The following TXNRD1 variants were observed in gnomAD, a reference collection of about 807,000 sequenced individuals.
The protein encoded by TXNRD1 is thioredoxin reductase 1.
Under a neutral mutation model 80.3 loss-of-function variants are expected in TXNRD1, and 57 were observed. The ratio of observed to expected loss-of-function variants is 0.71; its 90% CI spans 0.57 to 0.89. TXNRD1 has a LOEUF of 0.89. Ranked by LOEUF, TXNRD1 falls within the 40% of genes least tolerant of loss-of-function variation. TXNRD1 has a pLI of 0.00. For missense variants in TXNRD1, 730 were observed against 803.0 expected (o/e 0.91, Z 1.10); for synonymous variants, 291 against 285.2 (o/e 1.02, Z -0.20).
chr12:104,260,404 T>C (rs1413428177), intron 3 of TXNRD1, among the ~76,000 whole-genome samples: 5 of 151,982 alleles, frequency 3.3e-5, no homozygotes, highest in Non-Finnish European at 4.4e-5. Flanking sequence ...GAGGCAGAGG[T>C]TGCGGTGAGC....
chr12:104,323,414 C>CA (rs1204749179), intron 10 of TXNRD1, among the ~76,000 whole-genome samples: 2 of 146,164 alleles, frequency 1.4e-5, no homozygotes, highest in East Asian at 2.1e-4. Flanking sequence ...GCTGACCCCC[C>CA]ACCTCCCTCC....
intron 3 of TXNRD1, among the ~76,000 whole-genome samples, chr12:104,259,562 G>T (rs1279181212): frequency 6.8e-6 from 1 of 147,168 alleles, no homozygotes; most frequent in Non-Finnish European, 1.5e-5. Context: ...TGCGATCTCA[G>T]CTCACCGCAA....
Position 104,348,489 on chromosome 12 carries a change from G to A in TXNRD1, c.*68G>A. ...TCGTTTCCGTGCCCAAATCCAAGGC[G>A]AAGTTTTCTAGAGGGTTCTTGGGCT... On this transcript the variant is annotated 3_prime_UTR_variant, in exon 17 of 17. Transcript: ENST00000525566. 2.5e-5 allele frequency: 38 copies of A among 1,532,972 alleles called. No homozygotes were observed. The highest frequency in any genetic ancestry group is 3.1e-5 in the Non-Finnish European group (34 of 1,108,424). 95.0% of individuals were successfully genotyped at this position (1,532,972 alleles called of 1,614,324 possible). A position where few individuals can be genotyped will look rare whatever the true frequency, so the allele number is the denominator to read the frequency against.
intron 3 of TXNRD1, chr12:104,288,666 C>T (rs938737530): frequency 6.3e-6 from 7 of 1,111,280 alleles, no homozygotes; most frequent in South Asian, 3.4e-5. Flanking sequence ...ATGATTTAAC[C>T]CTGACTAGAA....
chr12:104,252,327 T>C (rs1211471933), intron 2 of TXNRD1, among the ~76,000 whole-genome samples: 1 of 151,964 alleles, frequency 6.6e-6, no homozygotes, highest in Non-Finnish European at 1.5e-5. Context: ...TTTTGATAAA[T>C]ATCTCTTCAT....
At chr12:104,217,940 A>T (rs1185711240) in intron 1 of TXNRD1, among the ~76,000 whole-genome samples, 1 of 152,006 alleles carries the variant, frequency 6.6e-6, no homozygotes, top group Non-Finnish European at 1.5e-5. Flanking sequence ...AGGCTGAATA[A>T]TATTCCATTG....
chr12:104,313,502 A>C (rs1028693876), intron 6 of TXNRD1, among the ~76,000 whole-genome samples, 185 bp downstream of exon 6: 10 of 152,250 alleles, frequency 6.6e-5, no homozygotes, highest in African/African-American at 2.4e-4. Flanking sequence ...CTAAAAATTT[A>C]GGTTCTTTGG....
At chr12:104,252,691 T>TATATATATATATATA (rs34752671) in intron 2 of TXNRD1, among the ~76,000 whole-genome samples, 11 of 31,478 alleles carry the variant, frequency 3.5e-4, no homozygotes, top group African/African-American at 6.3e-4. Flanking sequence ...TATATATATA[T>TATATATATATATATA]TTTTTTTTTT....
Position 104,246,689 on chromosome 12 carries a change from AT to A in TXNRD1, c.92-4833del, listed in dbSNP as rs536506523. Among the ~76,000 whole-genome samples the A allele has an allele frequency of 7.5e-3, 1,127 of 151,116 alleles. 6 individuals are homozygous for A. The highest frequency in any genetic ancestry group is 0.012 in the Non-Finnish European group (833 of 67,706). ...AGGCGTGCACCACCATACCCAGCTA[AT>A]TTTTGTATTTTTAGTAGAGACTGGG... On this transcript the variant is annotated intron_variant, in intron 1 of 16. Transcript: ENST00000525566.
chr12:104,290,393 T>C (rs1356395122), intron 4 of TXNRD1, among the ~76,000 whole-genome samples: 2 of 152,166 alleles, frequency 1.3e-5, no homozygotes, highest in Middle Eastern at 3.4e-3. Context: ...CGGTCTATTA[T>C]ATTAATATTC....
chr12:104,287,714 C>T (rs1188740591), intron 3 of TXNRD1, among the ~76,000 whole-genome samples: 1 of 152,154 alleles, frequency 6.6e-6, no homozygotes, highest in African/African-American at 2.4e-5. Context: ...CCAGGGCTTC[C>T]TCACTCTCTC....
chr12:104,310,989 G>GA (rs2035112939), intron 4 of TXNRD1, among the ~76,000 whole-genome samples: 2 of 152,064 alleles, frequency 1.3e-5, no homozygotes, highest in East Asian at 3.9e-4. Flanking sequence ...AAAATTCTAG[G>GA]AAAAAAAGGC....
At chr12:104,327,701 A>G (rs1339785692) in intron 13 of TXNRD1, 30 bp downstream of exon 13, 13 of 1,609,316 alleles carry the variant, frequency 8.1e-6, no homozygotes, top group Non-Finnish European at 1.1e-5. Context: ...CCCATTAGAT[A>G]CTGTTGTCAG....
chr12:104,245,465 C>T (rs1006311364), intron 1 of TXNRD1, among the ~76,000 whole-genome samples: 1 of 123,228 alleles, frequency 8.1e-6, no homozygotes, highest in Non-Finnish European at 1.6e-5. Flanking sequence ...TGCGGTGAGC[C>T]GAGATCACAC....
chr12:104,315,445 G>A (rs1459090574), intron 6 of TXNRD1, among the ~76,000 whole-genome samples: 1 of 152,110 alleles, frequency 6.6e-6, no homozygotes, highest in African/African-American at 2.4e-5. Context: ...ATCGTAAGTC[G>A]GGTCGTCTGT....
intron 1 of TXNRD1, among the ~76,000 whole-genome samples, chr12:104,242,777 AAC>A (rs1183683594): frequency 6.6e-6 from 1 of 152,104 alleles, no homozygotes; most frequent in African/African-American, 2.4e-5. Flanking sequence ...TCCTACCTCA[AAC>A]ACACAGTGTC....
chr12:104,273,728 T>C (rs2033702323), intron 3 of TXNRD1, among the ~76,000 whole-genome samples: 1 of 152,238 alleles, frequency 6.6e-6, no homozygotes, highest in Admixed American at 6.5e-5. Flanking sequence ...AGCGCCATCC[T>C]GCACATCCAG....
chr12:104,334,712 T>G (rs78125493), intron 15 of TXNRD1, among the ~76,000 whole-genome samples: 1 of 152,336 alleles, frequency 6.6e-6, no homozygotes, highest in East Asian at 1.9e-4. Flanking sequence ...ATGGTGCAGA[T>G]GGCATTCCTT....
chr12:104,272,088 G>A (rs910697827), intron 3 of TXNRD1, among the ~76,000 whole-genome samples: 10 of 151,980 alleles, frequency 6.6e-5, no homozygotes, highest in Non-Finnish European at 1.2e-4. Context: ...GTAAAGTTTC[G>A]GTGCCGCAAA....
Sources: gnomAD v4.1 joint callset for allele counts (sites outside exome capture counted in the v4.1 genomes callset) on GRCh38, gnomAD v4.1.1 for gene constraint, MANE v1.5 for transcripts, NCBI Gene and HGNC (gene_info 2026-07-23, HGNC 2026-07-21) for gene names.